Variants in EVC observed in about 807,000 individuals in gnomAD.
EVC encodes EvC ciliary complex subunit 1, also known as evC complex member EVC.
In EVC, 116 loss-of-function variants were observed where a neutral mutation model predicts 118.9. The observed-to-expected ratio is 0.98, with a 90% CI of 0.84 to 1.14. The LOEUF (loss-of-function observed/expected upper bound fraction) is 1.14, where lower values mean the gene tolerates loss of function less well. EVC is among the 50% of genes most tolerant of loss of function. EVC has a pLI of 0.00. For missense variants in EVC, 1,401 were observed against 1,246.4 expected (o/e 1.12, Z -1.87); for synonymous variants, 619 against 534.7 (o/e 1.16, Z -2.18).
chr4:5,828,781 T>C, the EVC span: 16 of 1,299,556 alleles, frequency 1.2e-5, no homozygotes, highest in Admixed American at 2.7e-5. Context: ...ATGTTTTTTT[T>C]TCTCTCTAAA....
intron 4 of EVC, 103 bp from the exon 5 acceptor site, chr4:5,733,248 G>T: frequency 1.1e-6 from 1 of 901,446 alleles, no homozygotes; most frequent in South Asian, 1.3e-5. Flanking sequence ...AGAGTTTGAG[G>T]CAGGGTGTGC....
Position 5,768,631 on chromosome 4 carries a change from C to T in EVC, c.1563+12269C>T, listed in dbSNP as rs550865586. Among the ~76,000 whole-genome samples, 318 of 151,940 alleles carry T rather than the reference C, an allele frequency of 2.1e-3. 1 individual carries two copies. Among genetic ancestry groups the T allele is most frequent in the African/African-American group, 6.8e-3 (280 of 41,382 alleles). ...CAGCACTTTGGGAGGCTGAGGCAAGCGGATCACTTGAGGTCAAGAGTTCAA... is the reference window on the plus strand; with the variant it reads ...CAGCACTTTGGGAGGCTGAGGCAAGTGGATCACTTGAGGTCAAGAGTTCAA... On this transcript the variant is annotated intron_variant, in intron 11 of 20. Coordinates refer to ENST00000264956, the MANE Select transcript of EVC (RefSeq NM_153717.3).
rs1009528522 is a variant in EVC at position 5,719,079 on chromosome 4, G to T, written c.175-169G>T. Reference sequence around the variant, plus strand: ...GAAGGACATGTAGCGGACCCCACGTGGGGTGGGAGGCGTCACACACAGAAG... The same window carrying T: ...GAAGGACATGTAGCGGACCCCACGTTGGGTGGGAGGCGTCACACACAGAAG... On this transcript the variant is annotated intron_variant, in intron 1 of 20. Coordinates refer to ENST00000264956, the MANE Select transcript of EVC (RefSeq NM_153717.3). The surrounding 1 kb of genome is among the most constrained non-coding windows in gnomAD (Gnocchi z 4.7). Among the ~76,000 whole-genome samples the T allele has an allele frequency of 6.6e-6, 1 of 152,100 alleles. No individual in the cohort carries two copies. The highest frequency in any genetic ancestry group is 1.9e-4 in the East Asian group (1 of 5,174).
Position 5,797,038 on chromosome 4 carries a change from C to T in EVC, c.1903C>T (p.Leu635=). Residue 635 remains leucine (L), a synonymous_variant, in exon 14 of 21, where the codon CTG becomes TTG. Coordinates refer to ENST00000264956, the MANE Select transcript of EVC (RefSeq NM_153717.3). The stretch of plus-strand genomic sequence containing the variant: ...TCCTCAAAGGTCCACGCGGTGTGTC[C>T]TGCAGGGGCATGACCTGCTGTTGCG... ...GLTEESTRCV[L]QGHDLLLRSA... is the part of the protein sequence containing the mutation. 6.2e-7 allele frequency: 1 copy of T among 1,613,168 alleles called. No homozygotes were observed. The highest frequency in any genetic ancestry group is 8.5e-7 in the Non-Finnish European group (1 of 1,179,850).
At chr4:5,748,663 TCC>T (rs879594756) in intron 8 of EVC, among the ~76,000 whole-genome samples, 1,899 of 102,364 alleles carry the variant, frequency 0.019, 114 homozygotes, top group Non-Finnish European at 0.026. Context: ...CATCCATCCA[TCC>T]CTCCATCCAT....
At chr4:5,712,878 A>G (rs1247672153) in intron 1 of EVC, among the ~76,000 whole-genome samples, 3 of 152,146 alleles carry the variant, frequency 2.0e-5, no homozygotes, top group African/African-American at 7.2e-5. Context: ...ATGTTTATAG[A>G]CATCTGGTTC....
intron 2 of EVC, among the ~76,000 whole-genome samples, chr4:5,720,437 G>T (rs1380902016): frequency 6.6e-6 from 1 of 152,176 alleles, no homozygotes; most frequent in Non-Finnish European, 1.5e-5. Context: ...GGGTTTGCCA[G>T]GCCCCTGCTC....
At chr4:5,814,389 G>C (rs1717361383), downstream of EVC, 2 of 152,280 alleles carry the variant, frequency 1.3e-5, no homozygotes, top group South Asian at 4.2e-4. Flanking sequence ...ACTCTCCCAG[G>C]ACCCTCCTGG....
chr4:5,766,080 C>G (rs1304389728), intron 11 of EVC, among the ~76,000 whole-genome samples: 1 of 135,942 alleles, frequency 7.4e-6, no homozygotes, highest in East Asian at 2.3e-4. Flanking sequence ...CCTTCAGGAG[C>G]TCTTTTAGGG....
rs201776972 is a variant in EVC at position 5,798,764 on chromosome 4, G to C, written c.2276G>C (p.Ser759Thr). 6.2e-7 allele frequency: 1 copy of C among 1,611,092 alleles called. No homozygotes were observed. Among genetic ancestry groups the C allele is most frequent in the African/African-American group, 1.3e-5 (1 of 74,872 alleles). The stretch of plus-strand genomic sequence containing the variant: ...CATGCACGGAATGCAGCCACCAAGA[G>C]CCGGGCCAAGGACAGGGATGACTTC... ...LVHARNAATK[S>T]RAKDRDDFKR... The change falls in exon 15 of 21, where the codon AGC (serine) becomes ACC (threonine). Residue 759 changes from serine (S) to threonine (T), a missense_variant. Ser to Thr is a moderately conservative substitution (Grantham distance 58). Transcript: ENST00000264956. The surrounding 1 kb of genome is among the most constrained non-coding windows in gnomAD (Gnocchi z 4.1).
intron 1 of EVC, among the ~76,000 whole-genome samples, chr4:5,717,705 T>C (rs1350119177): frequency 6.6e-6 from 1 of 152,248 alleles, no homozygotes; most frequent in African/African-American, 2.4e-5. Context: ...CTATTCTGTC[T>C]CTAGAATGCT....
At chr4:5,747,254 T>C (rs1158173643) in intron 7 of EVC, among the ~76,000 whole-genome samples, 4 of 112,376 alleles carry the variant, frequency 3.6e-5, no homozygotes, top group Admixed American at 3.5e-4. Context: ...AACAAAATCA[T>C]GGGTTTCTGG....
chr4:5,770,980 C>G (rs1733855847), intron 11 of EVC, among the ~76,000 whole-genome samples: 1 of 151,188 alleles, frequency 6.6e-6, no homozygotes, highest in Non-Finnish European at 1.5e-5. Flanking sequence ...CCATTGCACT[C>G]CAGCCTGGGT....
chr4:5,730,254 CACA>C (rs1377159011), intron 3 of EVC, among the ~76,000 whole-genome samples: 1 of 152,286 alleles, frequency 6.6e-6, no homozygotes, highest in East Asian at 1.9e-4. Context: ...TCTGAGCACT[CACA>C]ACATGTTAGG....
intron 11 of EVC, among the ~76,000 whole-genome samples, chr4:5,767,746 G>T (rs1285865515): frequency 6.6e-6 from 1 of 152,110 alleles, no homozygotes; most frequent in Non-Finnish European, 1.5e-5. Context: ...GCAATGCCTC[G>T]CCCTGCTTCG....
At chr4:5,781,411 G>A (rs573614665) in intron 11 of EVC, among the ~76,000 whole-genome samples, 23 of 152,212 alleles carry the variant, frequency 1.5e-4, no homozygotes, top group African/African-American at 5.3e-4. Context: ...GTGGGAGCTC[G>A]GGGTCAGAAA....
In EVC at chr4:5,813,403, T is replaced by A. The variant is rs1333556914; in HGVS notation, c.*2366T>A. The A allele has an allele frequency of 1.3e-5, 2 of 151,856 alleles. No individual in the cohort carries two copies. Among genetic ancestry groups the A allele is most frequent in the African/African-American group, 4.8e-5 (2 of 41,324 alleles). The allele number at this position is 151,856 out of a possible 1,614,324, so 9.4% of individuals were successfully genotyped here. Reference sequence around the variant, plus strand: ...GTATTTTATTTTAGTAGAGACGGGGTTTCACCATACTGGCCAGGCTGCTCT... The same window carrying A: ...GTATTTTATTTTAGTAGAGACGGGGATTCACCATACTGGCCAGGCTGCTCT... On this transcript the variant is annotated 3_prime_UTR_variant, in exon 21 of 21. Coordinates refer to ENST00000264956, the MANE Select transcript of EVC (RefSeq NM_153717.3).
At chr4:5,741,430 G>C (rs919286971) in intron 5 of EVC, among the ~76,000 whole-genome samples, 1 of 152,208 alleles carries the variant, frequency 6.6e-6, no homozygotes, top group African/African-American at 2.4e-5. Context: ...GATGTGGAGG[G>C]CCTTGCACAG....
At position 5,789,331 on chromosome 4, in the gene EVC, C is replaced by T. The variant is rs1712324766; in HGVS notation, c.1777-4277C>T. On this transcript the variant is annotated intron_variant, in intron 12 of 20. Coordinates refer to ENST00000264956, the MANE Select transcript of EVC (RefSeq NM_153717.3). The surrounding 1 kb of genome is among the most constrained non-coding windows in gnomAD (Gnocchi z 4.3). ...TGCCCCCAGCCCCAGTGGTTCCTTGCACTCCTCTGGCTTTCTGGGCACGTT... is the reference window on the plus strand; with the variant it reads ...TGCCCCCAGCCCCAGTGGTTCCTTGTACTCCTCTGGCTTTCTGGGCACGTT... Among the ~76,000 whole-genome samples, 1 of 152,190 alleles carries T rather than the reference C, an allele frequency of 6.6e-6. No individual in the cohort carries two copies. Among genetic ancestry groups the T allele is most frequent in the African/African-American group, 2.4e-5 (1 of 41,458 alleles).
Sources: allele counts gnomAD v4.1 joint callset (sites outside exome capture counted in the v4.1 genomes callset), GRCh38; gene constraint gnomAD v4.1.1; non-coding constraint Gnocchi (gnomAD v3.1); transcripts MANE v1.5; gene names NCBI Gene and HGNC (gene_info 2026-07-23, HGNC 2026-07-21).